RALYL: variants seen among roughly 807,000 people sequenced by gnomAD.
RALYL encodes the protein RALY RNA binding protein like.
In RALYL, 29 loss-of-function variants were observed where a neutral mutation model predicts 35.1. That is an observed-to-expected ratio of 0.83 (90% confidence interval 0.61 to 1.13). RALYL has a LOEUF of 1.13. RALYL is among the 50% of genes most tolerant of loss of function. RALYL has a pLI of 0.00. For synonymous variants in RALYL, 120 were observed against 127.6 expected, an observed-to-expected ratio of 0.94 and a Z score of 0.40; for missense variants, 359 against 360.4, an observed-to-expected ratio of 1.00 and a Z score of 0.03.
At chr8:84,260,558 G>A (rs749291309) in intron 1 of RALYL, among the ~76,000 whole-genome samples, 2 of 152,102 alleles carry the variant, frequency 1.3e-5, no homozygotes, top group Non-Finnish European at 2.9e-5. Flanking sequence ...CTTTAGTCAC[G>A]TTCTCTTGAT....
At chr8:84,704,829 A>C (rs1426538160) in intron 2 of RALYL, among the ~76,000 whole-genome samples, 1 of 152,160 alleles carries the variant, frequency 6.6e-6, no homozygotes, top group African/African-American at 2.4e-5. Context: ...AATCCTTTAC[A>C]CTGAAACAAT....
At position 84,357,768 on chromosome 8, in the gene RALYL, A is replaced by AAT. The variant is rs1369984783; in HGVS notation, c.-23-171522_-23-171521dup. On this transcript the variant is annotated intron_variant, in intron 1 of 8. Coordinates refer to ENST00000521268, the MANE Select transcript of RALYL (RefSeq NM_173848.7). ...TAATTTAGCTTGTCGTATATATATA[A>AAT]ATATATATATTTATATATTTATATA... Among the ~76,000 whole-genome samples the AAT allele has an allele frequency of 8.9e-5, 13 of 146,632 alleles. No homozygotes were observed. In the East Asian group the frequency reaches 2.5e-3, roughly 29 times the overall value.
chr8:84,843,931 C>T lies in RALYL; in HGVS notation c.366-6049C>T, dbSNP rs551760925. Among the ~76,000 whole-genome samples the T allele has an allele frequency of 2.7e-3, 410 of 152,322 alleles. 1 individual carries two copies. Among genetic ancestry groups the T allele is most frequent in the African/African-American group, 9.6e-3 (400 of 41,576 alleles). Reference sequence around the variant, plus strand: ...GCTAGCCATATGTAGAAAGCTGAAACTGTATCCCTTCTTTACACCTTATAC... The same window carrying T: ...GCTAGCCATATGTAGAAAGCTGAAATTGTATCCCTTCTTTACACCTTATAC... On this transcript the variant is annotated intron_variant, in intron 4 of 8. Coordinates refer to ENST00000521268, the MANE Select transcript of RALYL (RefSeq NM_173848.7).
At chr8:84,685,171 G>A (rs1026616589) in intron 2 of RALYL, among the ~76,000 whole-genome samples, 1 of 152,124 alleles carries the variant, frequency 6.6e-6, no homozygotes, top group Non-Finnish European at 1.5e-5. Flanking sequence ...GGAATGTATT[G>A]AGACACAAAC....
At chr8:84,622,093 A>G (rs1158207482) in intron 2 of RALYL, among the ~76,000 whole-genome samples, 1 of 152,228 alleles carries the variant, frequency 6.6e-6, no homozygotes, top group African/African-American at 2.4e-5. Context: ...ATGAGTTGCT[A>G]CTGTATCAGT....
At chr8:84,232,765 A>C (rs1825652097) in intron 1 of RALYL, among the ~76,000 whole-genome samples, 1 of 152,124 alleles carries the variant, frequency 6.6e-6, no homozygotes, top group Admixed American at 6.6e-5. Flanking sequence ...CAGTTAAAAA[A>C]GCTATATAAT....
chr8:84,688,507 C>T (rs1837311142), intron 2 of RALYL, among the ~76,000 whole-genome samples: 1 of 151,992 alleles, frequency 6.6e-6, no homozygotes, highest in Non-Finnish European at 1.5e-5. Context: ...GCTGGGAAAA[C>T]TGGACATCTT....
intron 5 of RALYL, among the ~76,000 whole-genome samples, chr8:84,859,509 C>T (rs868196538): frequency 1.3e-5 from 2 of 152,188 alleles, no homozygotes; most frequent in Middle Eastern, 6.8e-3. Flanking sequence ...CCCAACGTCC[C>T]ATCAAAGTGG....
At chr8:84,513,730 C>G (rs2057812838) in intron 1 of RALYL, among the ~76,000 whole-genome samples, 1 of 151,902 alleles carries the variant, frequency 6.6e-6, no homozygotes, top group Non-Finnish European at 1.5e-5. Flanking sequence ...AACATTGACT[C>G]TTAAGATACA....
intron 2 of RALYL, among the ~76,000 whole-genome samples, chr8:84,591,577 G>A (rs192890976): frequency 2.0e-5 from 3 of 152,210 alleles, no homozygotes; most frequent in East Asian, 3.9e-4. Flanking sequence ...ATTATCCTGG[G>A]CTGTTTGTTA....
At chr8:84,661,636 A>AT (rs34371208) in intron 2 of RALYL, among the ~76,000 whole-genome samples, 28 of 145,692 alleles carry the variant, frequency 1.9e-4, no homozygotes, top group African/African-American at 6.6e-4. Flanking sequence ...TATTTTATTT[A>AT]TTTTTTTTAT....
intron 1 of RALYL, among the ~76,000 whole-genome samples, chr8:84,470,352 C>A (rs1489797920): frequency 6.6e-6 from 1 of 151,338 alleles, no homozygotes; most frequent in East Asian, 1.9e-4. Context: ...GCATGTTTTT[C>A]AAAAAATATA....
chr8:84,364,107 T>C (rs1853693994), intron 1 of RALYL, among the ~76,000 whole-genome samples: 1 of 152,080 alleles, frequency 6.6e-6, no homozygotes. Flanking sequence ...AAACCACAAA[T>C]GTTAGACCAA....
intron 4 of RALYL, among the ~76,000 whole-genome samples, chr8:84,830,496 G>T (rs548239886): frequency 2.0e-4 from 31 of 152,080 alleles, no homozygotes; most frequent in Non-Finnish European, 3.8e-4. Context: ...AACCAGTCTG[G>T]GTTGCAGCAG....
chr8:84,201,881 A>G (rs1162470770), intron 1 of RALYL, among the ~76,000 whole-genome samples: 1 of 152,106 alleles, frequency 6.6e-6, no homozygotes, highest in East Asian at 1.9e-4. Flanking sequence ...TATTTATTTG[A>G]TACTATGTCT....
chr8:84,212,122 G>A (rs951514014), intron 1 of RALYL, among the ~76,000 whole-genome samples: 3 of 152,158 alleles, frequency 2.0e-5, no homozygotes, highest in African/African-American at 7.2e-5. Flanking sequence ...TGAAAATGCA[G>A]TTGAGTATAA....
intron 3 of RALYL, among the ~76,000 whole-genome samples, chr8:84,780,361 T>C (rs117800828): frequency 2.6e-4 from 40 of 152,286 alleles, no homozygotes; most frequent in African/African-American, 8.9e-4. Context: ...GATCCTATCT[T>C]TCCTGTGCAA....
chr8:84,660,083 T>C (rs1415927945), intron 2 of RALYL, among the ~76,000 whole-genome samples: 1 of 152,152 alleles, frequency 6.6e-6, no homozygotes, highest in Admixed American at 6.5e-5. Context: ...GTGGTTACAT[T>C]TGAAGTGATA....
At chr8:84,756,347 A>G (rs1351256899) in intron 2 of RALYL, among the ~76,000 whole-genome samples, 1 of 152,174 alleles carries the variant, frequency 6.6e-6, no homozygotes, top group African/African-American at 2.4e-5. Flanking sequence ...AAGAGATTGT[A>G]GGATCAGTGC....
Sources: allele counts gnomAD v4.1 joint callset (sites outside exome capture counted in the v4.1 genomes callset), GRCh38; gene constraint gnomAD v4.1.1; transcripts MANE v1.5; gene names NCBI Gene and HGNC (gene_info 2026-07-23, HGNC 2026-07-21).